The following ANK2 variants were observed in gnomAD, a reference collection of about 807,000 sequenced individuals.
ANK2 encodes the protein ankyrin-2.
ANK2 carries 83 observed loss-of-function variants against 360.5 expected under a neutral mutation model. The ratio of observed to expected loss-of-function variants is 0.23; its 90% CI spans 0.19 to 0.28. The LOEUF is 0.28. Ranked by LOEUF, ANK2 falls within the 10% of genes least tolerant of loss-of-function variation. ANK2 has a pLI of 1.00. For synonymous variants in ANK2, 1,740 were observed against 1,759.5 expected (o/e 0.99, Z 0.28); for missense variants, 4,201 against 4,795.7 (o/e 0.88, Z 3.66).
At chr4:113,363,272 A>C in intron 39 of ANK2, 66 bp from the exon 40 acceptor site, 1 of 1,552,886 alleles carries the variant, frequency 6.4e-7, no homozygotes, top group South Asian at 1.1e-5. Context: ...ACAAAATCAC[A>C]AAGCAAAATG....
At chr4:112,829,674 T>C (rs2059276978) in intron 1 of ANK2, among the ~76,000 whole-genome samples, 1 of 151,358 alleles carries the variant, frequency 6.6e-6, no homozygotes, top group African/African-American at 2.4e-5. Context: ...AAAAAGTCAG[T>C]GCTGGGCATG....
At chr4:113,151,558 C>T (rs1248000893) in intron 1 of ANK2, among the ~76,000 whole-genome samples, 1 of 152,118 alleles carries the variant, frequency 6.6e-6, no homozygotes, top group Non-Finnish European at 1.5e-5. Flanking sequence ...AGGGTCCACC[C>T]TCATGATCTA....
Position 113,174,860 on chromosome 4 carries a change from A to G in ANK2, c.186+343A>G, listed in dbSNP as rs115273142. Reference sequence around the variant, plus strand: ...ATCTTGGCTTCTTTCCTTCTTGACTATATGCACTTTACTCATGGGAAACTG... The same window carrying G: ...ATCTTGGCTTCTTTCCTTCTTGACTGTATGCACTTTACTCATGGGAAACTG... On this transcript the variant is annotated intron_variant, in intron 2 of 45. Coordinates refer to ENST00000357077, the MANE Select transcript of ANK2 (RefSeq NM_001148.6). Among the ~76,000 whole-genome samples the G allele has an allele frequency of 4.3e-3, 649 of 152,266 alleles. 9 individuals carry two copies. Among genetic ancestry groups the G allele is most frequent in the African/African-American group, 0.015 (616 of 41,552 alleles).
At chr4:113,335,785 A>C in intron 29 of ANK2, 61 bp from the exon 30 acceptor site, 2 of 1,518,556 alleles carry the variant, frequency 1.3e-6, no homozygotes, top group Non-Finnish European at 1.8e-6. Flanking sequence ...TGAGTTGGCT[A>C]GAATGCTGTT....
intron 2 of ANK2, among the ~76,000 whole-genome samples, chr4:112,911,519 C>T (rs866762452): frequency 6.6e-6 from 1 of 151,806 alleles, no homozygotes; most frequent in Non-Finnish European, 1.5e-5. Context: ...CGATATATCT[C>T]ACTATGTTGC....
At chr4:112,717,086 A>G in the ANK2 span, among the ~76,000 whole-genome samples, 8 of 152,348 alleles carry the variant, frequency 5.3e-5, no homozygotes, top group South Asian at 1.4e-3. Flanking sequence ...ATTTCACTAG[A>G]CTAATATACA....
chr4:113,003,661 C>G (rs2051636478), intron 2 of ANK2, among the ~76,000 whole-genome samples: 1 of 151,974 alleles, frequency 6.6e-6, no homozygotes, highest in Admixed American at 6.6e-5. Context: ...GGTCAGTGGT[C>G]CAGTTTGAGA....
intron 2 of ANK2, among the ~76,000 whole-genome samples, chr4:112,975,881 A>G (rs774370105): frequency 3.2e-4 from 49 of 152,160 alleles, no homozygotes; most frequent in Non-Finnish European, 5.6e-4. Flanking sequence ...GGTACCATCT[A>G]TGGGTACGTT....
intron 2 of ANK2, among the ~76,000 whole-genome samples, chr4:112,924,378 A>G (rs2092204010): frequency 6.6e-6 from 1 of 151,902 alleles, no homozygotes; most frequent in East Asian, 1.9e-4. Context: ...AGAAAAAAAA[A>G]AAAGAAAAAC....
intron 1 of ANK2, among the ~76,000 whole-genome samples, chr4:113,087,934 A>C (rs1395106): frequency 4.6e-5 from 7 of 152,164 alleles, no homozygotes; most frequent in Non-Finnish European, 5.9e-5. Context: ...AATAAATTCT[A>C]GATTCTGAGC....
chr4:113,379,239 C>G (rs150005800), intron 45 of ANK2, among the ~76,000 whole-genome samples: 36 of 152,248 alleles, frequency 2.4e-4, no homozygotes, highest in Non-Finnish European at 3.8e-4. Context: ...ACCACATAAT[C>G]CACGCATGCA....
intron 2 of ANK2, among the ~76,000 whole-genome samples, chr4:112,924,292 C>T (rs556960523): frequency 1.6e-3 from 245 of 151,094 alleles, no homozygotes; most frequent in Non-Finnish European, 3.1e-3. Context: ...TGCTTGAACC[C>T]GGGAGACGGA....
chr4:113,119,180 T>TTA (rs150374867), intron 1 of ANK2, among the ~76,000 whole-genome samples: 3,138 of 152,238 alleles, frequency 0.021, 50 homozygotes, highest in South Asian at 0.045. Context: ...CATGTAGATA[T>TTA]TATATCTAAG....
chr4:113,271,487 C>CACAT (rs1293735353), intron 14 of ANK2, among the ~76,000 whole-genome samples: 20 of 151,854 alleles, frequency 1.3e-4, no homozygotes, highest in African/African-American at 4.6e-4. Context: ...CAGACACACA[C>CACAT]ACACACACAC....
At chr4:113,288,568 C>T in intron 20 of ANK2, 82 bp downstream of exon 20, 1 of 1,188,274 alleles carries the variant, frequency 8.4e-7, no homozygotes, top group South Asian at 1.3e-5. Context: ...ACCAAAGCTA[C>T]AAGTGTATTT....
At chr4:113,140,143 T>C (rs1463328742) in intron 1 of ANK2, among the ~76,000 whole-genome samples, 6 of 152,152 alleles carry the variant, frequency 3.9e-5, no homozygotes, top group Non-Finnish European at 7.4e-5. Flanking sequence ...CGGAAGAAAA[T>C]AGCATGCTGC....
intron 4 of ANK2, chr4:113,214,512 A>G: frequency 1.7e-6 from 1 of 598,558 alleles, no homozygotes; most frequent in Non-Finnish European, 2.9e-6. Flanking sequence ...TATTACATTC[A>G]TTAATTTATT....
At chr4:113,314,062 A>G (rs2081509752) in intron 24 of ANK2, among the ~76,000 whole-genome samples, 1 of 152,222 alleles carries the variant, frequency 6.6e-6, no homozygotes, top group African/African-American at 2.4e-5. Context: ...TAGAAAAAAT[A>G]TTCTGATGCC....
intron 45 of ANK2, chr4:113,374,822 T>C: frequency 3.2e-6 from 4 of 1,257,428 alleles, no homozygotes; most frequent in South Asian, 1.3e-5. Flanking sequence ...GCTGAGCCAG[T>C]GGAAGGCCGT....
Sources: allele counts gnomAD v4.1 joint callset (sites outside exome capture counted in the v4.1 genomes callset), GRCh38; gene constraint gnomAD v4.1.1; transcripts MANE v1.5; gene names NCBI Gene and HGNC (gene_info 2026-07-23, HGNC 2026-07-21).